Variants in GSE1 observed in about 807,000 individuals in gnomAD.
GSE1 encodes genetic suppressor element 1.
Under a neutral mutation model 112.6 loss-of-function variants are expected in GSE1, and 32 were observed. The observed-to-expected ratio is 0.28, with a 90% CI of 0.21 to 0.38. GSE1 has a LOEUF of 0.38. Ranked by LOEUF, GSE1 falls within the 10% of genes least tolerant of loss-of-function variation. The pLI is 1.00. For synonymous variants in GSE1, 1,115 were observed against 735.6 expected (o/e 1.52, Z -8.35); for missense variants, 2,348 against 1,699.2 (o/e 1.38, Z -6.71).
At chr16:85,322,838 A>ACTGAGAC (rs924493659) in intron 1 of GSE1, among the ~76,000 whole-genome samples, 12 of 151,892 alleles carry the variant, frequency 7.9e-5, no homozygotes, top group African/African-American at 2.9e-4. Context: ...CTGGTCTCGA[A>ACTGAGAC]CTTCTGACCT....
At chr16:85,181,119 G>C (rs973377639) in intron 1 of GSE1, among the ~76,000 whole-genome samples, 1 of 152,208 alleles carries the variant, frequency 6.6e-6, no homozygotes, top group Non-Finnish European at 1.5e-5. Flanking sequence ...TTCCGCAGCT[G>C]CCCACAGGGT....
At chr16:85,630,059 G>A (rs539589542) in intron 1 of GSE1, among the ~76,000 whole-genome samples, 3 of 152,346 alleles carry the variant, frequency 2.0e-5, no homozygotes, top group South Asian at 2.1e-4. Context: ...GGGGCTGGAG[G>A]ATTCATTGCC....
intron 2 of GSE1, among the ~76,000 whole-genome samples, chr16:85,519,332 A>C (rs2052065417): frequency 7.0e-6 from 1 of 142,334 alleles, no homozygotes; most frequent in Non-Finnish European, 1.5e-5. Context: ...CACCATCATC[A>C]CTTTTACCAC....
intron 1 of GSE1, among the ~76,000 whole-genome samples, chr16:85,600,983 AG>A (rs1254280669): frequency 9.0e-4 from 135 of 150,268 alleles, no homozygotes; most frequent in Middle Eastern, 3.4e-3. Flanking sequence ...CGGTGGGAGG[AG>A]GGAAGGTCGG....
chr16:85,359,233 G>T (rs74316901), intron 2 of GSE1: 11,268 of 367,304 alleles, frequency 0.031, 230 homozygotes, highest in African/African-American at 0.059. Context: ...AGGGCAGGCC[G>T]GGTGCCCCTG....
chr16:85,233,863 T>C (rs559494544), intron 1 of GSE1, among the ~76,000 whole-genome samples: 2 of 151,964 alleles, frequency 1.3e-5, no homozygotes, highest in Non-Finnish European at 2.9e-5. Context: ...GGGAGCCCCT[T>C]TGGAGCCGAC....
At chr16:85,616,101 G>A (rs2048354781) in intron 1 of GSE1, among the ~76,000 whole-genome samples, 1 of 152,244 alleles carries the variant, frequency 6.6e-6, no homozygotes, top group African/African-American at 2.4e-5. Context: ...GCCGGCCCCA[G>A]GAAGAGCCAA....
intron 1 of GSE1, among the ~76,000 whole-genome samples, chr16:85,288,598 C>T (rs1002427793): frequency 8.5e-5 from 13 of 152,234 alleles, no homozygotes; most frequent in African/African-American, 3.1e-4. Flanking sequence ...AGGAGCCTCC[C>T]TTCTGTGGGG....
At chr16:85,238,728 A>C (rs1188279951) in intron 1 of GSE1, among the ~76,000 whole-genome samples, 3 of 152,088 alleles carry the variant, frequency 2.0e-5, no homozygotes, top group African/African-American at 7.2e-5. Flanking sequence ...GTGGGGGACC[A>C]TCAGTCAGGG....
At chr16:85,648,179 C>G (rs539451158) in intron 2 of GSE1, among the ~76,000 whole-genome samples, 1 of 152,204 alleles carries the variant, frequency 6.6e-6, no homozygotes, top group South Asian at 2.1e-4. Flanking sequence ...ATGTCTGTCC[C>G]GGAAGGTGCT....
Position 85,298,965 on chromosome 16 carries a change from C to T in GSE1, c.2284-58498C>T, listed in dbSNP as rs577677987. Reference sequence around the variant, plus strand: ...GTGGCTGTCCCCAGTCACCTGCAGTCGTAGGCACACGGGCCAGCCTGCCTG... The same window carrying T: ...GTGGCTGTCCCCAGTCACCTGCAGTTGTAGGCACACGGGCCAGCCTGCCTG... On this transcript the variant is annotated intron_variant, in intron 1 of 2. Coordinates refer to the GSE1 transcript ENST00000637419. Among the ~76,000 whole-genome samples the T allele has an allele frequency of 6.6e-5, 10 of 152,294 alleles. No homozygotes were observed. In the South Asian group the frequency reaches 2.1e-3, roughly 32 times the overall value.
intron 2 of GSE1, among the ~76,000 whole-genome samples, chr16:85,550,445 G>T (rs1444276164): frequency 2.0e-5 from 3 of 152,184 alleles, no homozygotes; most frequent in Non-Finnish European, 4.4e-5. Flanking sequence ...GGAAGCATCA[G>T]CTGGTATTAT....
intron 2 of GSE1, among the ~76,000 whole-genome samples, chr16:85,392,218 T>A (rs2047855502): frequency 6.6e-6 from 1 of 152,186 alleles, no homozygotes; most frequent in Non-Finnish European, 1.5e-5. Context: ...ACACACAGCA[T>A]TGATTCTGCA....
chr16:85,643,251 A>G (rs917857027), intron 2 of GSE1, among the ~76,000 whole-genome samples: 3 of 152,176 alleles, frequency 2.0e-5, no homozygotes, highest in African/African-American at 7.2e-5. Context: ...TCCTGGCTGA[A>G]TACCGCCAGT....
At chr16:85,516,546 A>G (rs1405520651) in intron 2 of GSE1, among the ~76,000 whole-genome samples, 1 of 144,492 alleles carries the variant, frequency 6.9e-6, no homozygotes, top group African/African-American at 2.6e-5. Flanking sequence ...TGATGGCACC[A>G]TTGCCCTCAC....
intron 1 of GSE1, among the ~76,000 whole-genome samples, chr16:85,235,295 C>G (rs76310836): frequency 0.056 from 8,434 of 151,804 alleles, 421 homozygotes; most frequent in East Asian, 0.14. Flanking sequence ...CCTCTTCCCC[C>G]ACTGCTGGGG....
rs73253234 is a variant in GSE1 at position 85,661,132 on chromosome 16, G to C, written c.1641-14G>C. 16,438 of 1,553,956 alleles carry C rather than the reference G, an allele frequency of 0.011. 1,548 individuals carry two copies. In the African/African-American group the frequency reaches 0.2, roughly 19 times the overall value. ...TCTTTTCTCCCTGACTGAAGGGTTG[G>C]TTTCACTCCCTAGGCCAGGACCAAA... On this transcript the variant is annotated splice_polypyrimidine_tract_variant and intron_variant, in intron 8 of 15. Coordinates refer to ENST00000253458, the MANE Select transcript of GSE1 (RefSeq NM_014615.5).
intron 1 of GSE1, among the ~76,000 whole-genome samples, chr16:85,239,583 C>A (rs920784447): frequency 6.6e-6 from 1 of 152,210 alleles, no homozygotes; most frequent in African/African-American, 2.4e-5. Flanking sequence ...GGACTAAGCA[C>A]CTTCCCACCT....
intron 2 of GSE1, among the ~76,000 whole-genome samples, chr16:85,549,056 G>C (rs1250251325): frequency 1.3e-5 from 2 of 152,294 alleles, no homozygotes; most frequent in East Asian, 3.9e-4. Context: ...CAATGTGCTA[G>C]GATTACAGCC....
Sources: gnomAD v4.1 joint callset for allele counts (sites outside exome capture counted in the v4.1 genomes callset) on GRCh38, gnomAD v4.1.1 for gene constraint, MANE v1.5 for transcripts, NCBI Gene and HGNC (gene_info 2026-07-23, HGNC 2026-07-21) for gene names.